Variants in TSGA10 observed in about 807,000 individuals in gnomAD.
TSGA10 encodes testis specific 10, also known as testis-specific gene 10 protein.
In TSGA10, 43 loss-of-function variants were observed where a neutral mutation model predicts 96.6. The ratio of observed to expected loss-of-function variants is 0.44; its 90% CI spans 0.35 to 0.57. The LOEUF is 0.57. Among genes scored for constraint, TSGA10 ranks in the 20% least tolerant of loss-of-function variants. The pLI is 0.01. For synonymous variants in TSGA10, 229 were observed against 269.9 expected (o/e 0.85, Z 1.48); for missense variants, 703 against 834.4 (o/e 0.84, Z 1.94).
intron 1 of TSGA10, among the ~76,000 whole-genome samples, chr2:99,139,408 A>C (rs1321323526): frequency 6.6e-6 from 1 of 152,234 alleles, no homozygotes; most frequent in Non-Finnish European, 1.5e-5. Flanking sequence ...GTATTCAACA[A>C]ATTATTGATT....
chr2:99,071,339 C>T (rs2104511678), intron 14 of TSGA10, among the ~76,000 whole-genome samples: 1 of 151,798 alleles, frequency 6.6e-6, no homozygotes, highest in Non-Finnish European at 1.5e-5. Context: ...AGGCACAGTC[C>T]ATACATTCAT....
chr2:99,086,256 A>G (rs1454950742), intron 10 of TSGA10, among the ~76,000 whole-genome samples: 1 of 152,216 alleles, frequency 6.6e-6, no homozygotes, highest in Non-Finnish European at 1.5e-5. Flanking sequence ...TCTGACCACT[A>G]CATGACACCA....
rs796523548 is a variant in TSGA10 at position 99,126,010 on chromosome 2, C to A, written c.-492+1038G>T. On this transcript the variant is annotated intron_variant, in intron 2 of 20. Transcript: ENST00000393483. ...TGGCTCCTCATGTTGTCTCTGCTGA[C>A]ATCACGGGGTTCAGGGCCTCCTTAT... is the stretch of plus-strand genomic sequence containing the variant. The A allele has an allele frequency of 2.0e-5, 3 of 152,338 alleles. No homozygotes were observed. The South Asian group carries it at 6.2e-4, about 32-fold the overall frequency. 9.4% of individuals were successfully genotyped at this position (152,338 alleles called of 1,614,324 possible). A position where few individuals can be genotyped will look rare whatever the true frequency, so the allele number is the denominator to read the frequency against.
At chr2:99,127,314 T>A (rs1002578492) in intron 1 of TSGA10, 138 bp from the exon 2 acceptor site, 1 of 699,980 alleles carries the variant, frequency 1.4e-6, no homozygotes, top group Non-Finnish European at 1.9e-6. Flanking sequence ...GAGGATTTCA[T>A]CAAACTTTAC....
Position 99,103,546 on chromosome 2 carries a change from C to T in TSGA10, c.611+421G>A, listed in dbSNP as rs113151183. ...ATCACGTGCTCCTATTTCTCTGTTACGGCTTTTCATTATATTCTAAATCAC... is the reference window on the plus strand; with the variant it reads ...ATCACGTGCTCCTATTTCTCTGTTATGGCTTTTCATTATATTCTAAATCAC... On this transcript the variant is annotated intron_variant, in intron 10 of 20. Coordinates refer to ENST00000393483, the MANE Select transcript of TSGA10 (RefSeq NM_025244.4). Among the ~76,000 whole-genome samples the T allele has an allele frequency of 4.2e-3, 644 of 152,290 alleles. 6 individuals carry two copies. Among genetic ancestry groups the T allele is most frequent in the African/African-American group, 0.014 (576 of 41,558 alleles).
intron 16 of TSGA10, among the ~76,000 whole-genome samples, chr2:99,036,259 T>C (rs1439196178): frequency 6.6e-6 from 1 of 152,090 alleles, no homozygotes; most frequent in African/African-American, 2.4e-5. Context: ...CATAATTCAC[T>C]CCTACTTTCT....
chr2:99,078,687 G>A lies in TSGA10; in HGVS notation c.854C>T (p.Ala285Val). 1.9e-6 allele frequency: 3 copies of A among 1,613,506 alleles called. No individual in the cohort carries two copies. Among genetic ancestry groups the A allele is most frequent in the Non-Finnish European group, 2.5e-6 (3 of 1,179,816 alleles). The change falls in exon 12 of 21, where the codon GCA becomes GTA. Residue 285 changes from alanine to valine, a missense_variant. Coordinates refer to ENST00000393483, the MANE Select transcript of TSGA10 (RefSeq NM_025244.4). The part of the protein sequence containing the change: ...ACLDKKSENI[A>V]SLGESLAMKE... ...CATTGCCAAACTCTCTCCAAGGGAT[G>A]CAATATTCTCAGATTTTTTATCCAA...
chr2:98,998,328 T>G, intron 20 of TSGA10, 107 bp from the exon 21 acceptor site: 1 of 901,584 alleles, frequency 1.1e-6, no homozygotes, highest in Non-Finnish European at 1.7e-6. Flanking sequence ...CGTAAGATTT[T>G]TCTTCATTTC....
At chr2:99,077,127 CTTTTTTTTTTTTTT>C (rs35876721) in intron 12 of TSGA10, among the ~76,000 whole-genome samples, 3 of 70,460 alleles carry the variant, frequency 4.3e-5, no homozygotes, top group Admixed American at 1.6e-4. Flanking sequence ...GACCATTCAC[CTTTTTTTTTTTTTT>C]TTTTTTTTTT....
At chr2:99,048,697 A>G (rs2083057851) in intron 16 of TSGA10, among the ~76,000 whole-genome samples, 1 of 152,226 alleles carries the variant, frequency 6.6e-6, no homozygotes, top group Non-Finnish European at 1.5e-5. Flanking sequence ...TAAAACACCA[A>G]AAGCAATGGC....
chr2:99,134,828 C>T (rs970440603), intron 1 of TSGA10, among the ~76,000 whole-genome samples: 1 of 152,198 alleles, frequency 6.6e-6, no homozygotes, highest in Non-Finnish European at 1.5e-5. Context: ...AGTTTTCCTT[C>T]TAACAGTCAG....
intron 10 of TSGA10, among the ~76,000 whole-genome samples, chr2:99,100,455 A>T (rs974842652): frequency 6.6e-6 from 1 of 152,218 alleles, no homozygotes; most frequent in South Asian, 2.1e-4. Flanking sequence ...TACTGGGAAA[A>T]TTGAGTAATC....
intron 1 of TSGA10, among the ~76,000 whole-genome samples, chr2:99,129,703 T>C (rs924001518): frequency 6.6e-6 from 1 of 152,232 alleles, no homozygotes. Context: ...CTTGTGCTCC[T>C]GTACCGTTCT....
At chr2:99,099,201 G>A (rs13020339) in intron 10 of TSGA10, among the ~76,000 whole-genome samples, 94,425 of 152,010 alleles carry the variant, frequency 0.62, 29,765 homozygotes, top group East Asian at 0.88. Flanking sequence ...AATCCCAGCT[G>A]CTCGGGAGGC....
In TSGA10 at chr2:99,118,602, G is replaced by A; in HGVS notation, c.-407C>T. ...CAAGTATTTGCTGCCTAATGTGGAG[G>A]AACACAGCTTTCCTTCCCAGCCCAC... On this transcript the variant is annotated 5_prime_UTR_variant, in exon 3 of 21. Coordinates refer to ENST00000393483, the MANE Select transcript of TSGA10 (RefSeq NM_025244.4). 1.0e-6 allele frequency: 1 copy of A among 984,066 alleles called. No homozygotes were observed. The highest frequency in any genetic ancestry group is 1.2e-6 in the Non-Finnish European group (1 of 829,088). The allele number at this position is 984,066 out of a possible 1,614,324, so 61.0% of individuals were successfully genotyped here.
rs2092412661 is a variant in TSGA10, at chr2:99,118,688, T to A, written c.-491-2A>T. ...TCTATCACAAAGGTATCCAAATGCCTTTAAAGGAAAAAAAAAATTAGACCC... is the reference window on the plus strand; with the variant it reads ...TCTATCACAAAGGTATCCAAATGCCATTAAAGGAAAAAAAAAATTAGACCC... On this transcript the variant is annotated splice_acceptor_variant, in intron 2 of 20. Transcript: ENST00000393483. LOFTEE classifies it low-confidence loss of function (5UTR_SPLICE). 1 of 984,484 alleles carries A rather than the reference T, an allele frequency of 1.0e-6. No homozygotes were observed. The highest frequency in any genetic ancestry group is 1.2e-6 in the Non-Finnish European group (1 of 829,540). 61.0% of individuals were successfully genotyped at this position (984,484 alleles called of 1,614,324 possible).
chr2:99,102,584 G>C (rs1397919419), intron 10 of TSGA10: 1 of 1,614,002 alleles, frequency 6.2e-7, no homozygotes, highest in Non-Finnish European at 8.5e-7. Flanking sequence ...ATATGATTAT[G>C]GAACTTGCTG....
chr2:99,002,757 C>G (rs2078052202), intron 20 of TSGA10, among the ~76,000 whole-genome samples: 1 of 152,132 alleles, frequency 6.6e-6, no homozygotes, highest in South Asian at 2.1e-4. Flanking sequence ...CATGCAGAGA[C>G]ACACATAGGC....
intron 12 of TSGA10, among the ~76,000 whole-genome samples, chr2:99,073,946 AT>A (rs1310117318): frequency 2.2e-5 from 3 of 136,324 alleles, no homozygotes; most frequent in Non-Finnish European, 4.8e-5. Flanking sequence ...AAGTAAAAAG[AT>A]TTTTAAAAAC....
Sources: allele counts gnomAD v4.1 joint callset (sites outside exome capture counted in the v4.1 genomes callset), GRCh38; gene constraint gnomAD v4.1.1; transcripts MANE v1.5; gene names NCBI Gene and HGNC (gene_info 2026-07-23, HGNC 2026-07-21).